The following RERE variants were observed in gnomAD, a reference collection of about 807,000 sequenced individuals.
RERE encodes arginine-glutamic acid dipeptide repeats protein.
In RERE, 40 loss-of-function variants were observed where a neutral mutation model predicts 146.1. That is an observed-to-expected ratio of 0.27 (90% CI 0.21 to 0.36). The LOEUF (loss-of-function observed/expected upper bound fraction) is 0.36, where lower values mean the gene tolerates loss of function less well. Among genes scored for constraint, RERE ranks in the 10% least tolerant of loss-of-function variants. The pLI is 1.00. For missense variants in RERE, 1,933 were observed against 2,138.7 expected (o/e 0.90, Z 1.90); for synonymous variants, 1,003 against 866.0 (o/e 1.16, Z -2.78).
In RERE at chr1:8,416,997, G is replaced by T. The variant is rs374415185; in HGVS notation, c.1284+5730C>A. On this transcript the variant is annotated intron_variant, in intron 12 of 22. Coordinates refer to ENST00000400908, the MANE Select transcript of RERE (RefSeq NM_001042681.2). The stretch of plus-strand genomic sequence containing the variant: ...ACAACGTTTGTAGAAGAGGGACAAG[G>T]TTTAAAAACAGAGATCTTCTAATGT... Among the ~76,000 whole-genome samples, 82 of 152,306 alleles carry T rather than the reference G, an allele frequency of 5.4e-4. 2 individuals are homozygous for T. The South Asian group carries it at 0.017, about 31-fold the overall frequency.
At chr1:8,698,560 C>A (rs557053811) in intron 1 of RERE, among the ~76,000 whole-genome samples, 20 of 152,326 alleles carry the variant, frequency 1.3e-4, no homozygotes, top group African/African-American at 4.8e-4. Context: ...ACTACAACTA[C>A]AAAAGCTCAT....
chr1:8,357,827 A>C (rs1462868275), intron 20 of RERE, among the ~76,000 whole-genome samples: 1 of 152,248 alleles, frequency 6.6e-6, no homozygotes, highest in Non-Finnish European at 1.5e-5. Context: ...GCCACCCTTG[A>C]GTAGCCCAGT....
At chr1:8,378,487 C>T (rs988141510) in intron 12 of RERE, among the ~76,000 whole-genome samples, 6 of 152,162 alleles carry the variant, frequency 3.9e-5, no homozygotes, top group African/African-American at 7.2e-5. Flanking sequence ...CAGGCTCTTC[C>T]AAGAGGTGAT....
At chr1:8,414,497 G>A (rs1460827343) in intron 12 of RERE, among the ~76,000 whole-genome samples, 3 of 151,970 alleles carry the variant, frequency 2.0e-5, no homozygotes, top group Admixed American at 6.6e-5. Context: ...TGGAGGTTGC[G>A]GTGAGCTGAG....
rs139125848 is a variant in RERE, at chr1:8,469,616, C to T, written c.1105-3593G>A. ...CCAGCCTGAGAGACAGAGTGAGACC[C>T]CGTCTCAAAAAAATAATAATAGTAA... On this transcript the variant is annotated intron_variant, in intron 10 of 22. Transcript: ENST00000400908. Among the ~76,000 whole-genome samples the T allele has an allele frequency of 2.3e-3, 356 of 152,066 alleles. 1 individual carries two copies. The highest frequency in any genetic ancestry group is 7.7e-3 in the African/African-American group (320 of 41,452).
intron 1 of RERE, among the ~76,000 whole-genome samples, chr1:8,781,242 G>A (rs758075948): frequency 6.6e-6 from 1 of 151,762 alleles, no homozygotes; most frequent in African/African-American, 2.4e-5. Flanking sequence ...TGTTGTCCCA[G>A]CTACTCAGGA....
intron 1 of RERE, among the ~76,000 whole-genome samples, chr1:8,816,771 TAA>T (rs1641920510): frequency 6.6e-6 from 1 of 152,136 alleles, no homozygotes; most frequent in African/African-American, 2.4e-5. Flanking sequence ...GATACTTTAA[TAA>T]TAAAGTCCTC....
chr1:8,725,601 T>C (rs1022589595), intron 1 of RERE, among the ~76,000 whole-genome samples: 7 of 152,184 alleles, frequency 4.6e-5, no homozygotes, highest in Admixed American at 1.3e-4. Context: ...TTTAAAATAT[T>C]AAATCTAAAT....
chr1:8,444,191 G>A (rs1644288804), intron 11 of RERE, among the ~76,000 whole-genome samples: 1 of 152,210 alleles, frequency 6.6e-6, no homozygotes, highest in African/African-American at 2.4e-5. Context: ...TTGGGAGCCT[G>A]CCCCTCATCA....
intron 7 of RERE, among the ~76,000 whole-genome samples, chr1:8,521,150 A>C (rs1254972699): frequency 6.9e-6 from 1 of 145,060 alleles, no homozygotes; most frequent in Admixed American, 7.0e-5. Flanking sequence ...AATATTATAA[A>C]TTATGGAAGT....
intron 12 of RERE, among the ~76,000 whole-genome samples, chr1:8,409,969 C>T (rs141476168): frequency 0.01 from 1,148 of 114,372 alleles, 16 homozygotes; most frequent in African/African-American, 0.035. Context: ...TTCAATCAGG[C>T]AATTTTTTTT....
intron 1 of RERE, among the ~76,000 whole-genome samples, chr1:8,748,735 C>A (rs1279152827): frequency 6.6e-6 from 1 of 152,178 alleles, no homozygotes. Context: ...TTTTGTCTTT[C>A]TTCCCAGCCC....
intron 12 of RERE, among the ~76,000 whole-genome samples, chr1:8,395,834 T>G (rs145677878): frequency 6.6e-6 from 1 of 152,150 alleles, no homozygotes; most frequent in Non-Finnish European, 1.5e-5. Context: ...AGAGGTTCCA[T>G]GCCTGAGTTG....
At chr1:8,546,392 G>A (rs1430312027) in intron 6 of RERE, among the ~76,000 whole-genome samples, 1 of 152,058 alleles carries the variant, frequency 6.6e-6, no homozygotes, top group Non-Finnish European at 1.5e-5. Flanking sequence ...ATTTCCAGGT[G>A]AAAGGGTCTT....
chr1:8,476,760 C>A lies in RERE; in HGVS notation c.1105-10737G>T, dbSNP rs1207915125. On this transcript the variant is annotated intron_variant, in intron 10 of 22. Coordinates refer to ENST00000400908, the MANE Select transcript of RERE (RefSeq NM_001042681.2). ...CTATTATTGCAGTAAAAACAGGCTA[C>A]ACGAGGCAGGGCGGACCTGCGTCCT... Among the ~76,000 whole-genome samples the A allele has an allele frequency of 2.6e-5, 4 of 152,328 alleles. No homozygotes were observed. The East Asian group carries it at 7.7e-4, about 29-fold the overall frequency.
intron 7 of RERE, among the ~76,000 whole-genome samples, chr1:8,510,694 C>T (rs945067988): frequency 5.9e-5 from 9 of 152,220 alleles, no homozygotes; most frequent in African/African-American, 2.2e-4. Flanking sequence ...CTGCCAAAAG[C>T]TCTAAATACT....
chr1:8,709,215 C>T (rs371015843), intron 1 of RERE, among the ~76,000 whole-genome samples: 12 of 151,804 alleles, frequency 7.9e-5, no homozygotes, highest in African/African-American at 2.4e-4. Flanking sequence ...CCACCGTGCC[C>T]GGCAACTCTA....
At chr1:8,390,844 C>T (rs1315636431) in intron 12 of RERE, among the ~76,000 whole-genome samples, 8 of 152,144 alleles carry the variant, frequency 5.3e-5, no homozygotes, top group Non-Finnish European at 8.8e-5. Context: ...TCTGTGCCAG[C>T]GGGGGGTCCT....
chr1:8,631,070 G>A (rs1274329811), intron 2 of RERE, among the ~76,000 whole-genome samples: 5 of 152,140 alleles, frequency 3.3e-5, no homozygotes, highest in Non-Finnish European at 7.3e-5. Context: ...TTGCTAACAA[G>A]GACAGTTAAA....
Sources: gnomAD v4.1 joint callset for allele counts (sites outside exome capture counted in the v4.1 genomes callset) on GRCh38, gnomAD v4.1.1 for gene constraint, MANE v1.5 for transcripts, NCBI Gene and HGNC (gene_info 2026-07-23, HGNC 2026-07-21) for gene names.